Variants in KLHL33 observed in about 807,000 individuals in gnomAD.
KLHL33 encodes the protein kelch like family member 33.
In KLHL33, 46 loss-of-function variants were observed where a neutral mutation model predicts 60.8. The observed-to-expected ratio is 0.76, with a 90% CI of 0.60 to 0.97. The LOEUF (loss-of-function observed/expected upper bound fraction) is 0.97, where lower values mean the gene tolerates loss of function less well. Ranked by LOEUF, KLHL33 falls within the 50% of genes least tolerant of loss-of-function variation. KLHL33 has a pLI of 0.00. For missense variants in KLHL33, 1,055 were observed against 1,000.0 expected, an observed-to-expected ratio of 1.05 and a Z score of -0.74; for synonymous variants, 434 against 432.2, an observed-to-expected ratio of 1.00 and a Z score of -0.05.
rs1287494224 is a variant in KLHL33 at position 20,429,486 on chromosome 14, C to G, written c.1841+16G>C. The stretch of plus-strand genomic sequence containing the variant: ...AAGTCTCCTAATCTCTCCCAGATGC[C>G]CCCTTGCCTGCTTACCTCCAGACAT... On this transcript the variant is annotated intron_variant, in intron 4 of 4. Coordinates refer to ENST00000636854, the MANE Select transcript of KLHL33 (RefSeq NM_001365790.2). 6.4e-7 allele frequency: 1 copy of G among 1,552,028 alleles called. No homozygotes were observed. The highest frequency in any genetic ancestry group is 8.7e-7 in the Non-Finnish European group (1 of 1,146,994).
chr14:20,428,647 C>G lies in KLHL33; in HGVS notation c.*202G>C, dbSNP rs368764425. On this transcript the variant is annotated 3_prime_UTR_variant, in exon 5 of 5. Transcript: ENST00000636854. ...CCTCACCTGGGTATTCAGCTGCCTC[C>G]CCTTTCCCTATATGTTTTCCCTAGG... 13 of 571,384 alleles carry G rather than the reference C, an allele frequency of 2.3e-5. No individual in the cohort carries two copies. The highest frequency in any genetic ancestry group is 2.2e-4 in the African/African-American group (12 of 53,454). The allele number at this position is 571,384 out of a possible 1,614,324, so 35.4% of individuals were successfully genotyped here.
In KLHL33 at chr14:20,430,021, GC is replaced by G; in HGVS notation, c.1446del (p.Leu483SerfsTer7). ...DRALVVIGGD[G>X]LRPDMALRQP... ...TGTCTTAGGGCCATGTCTGGTCTGA[GC>G]CCATCCCCGCCAATCACTACCAGTG... On this transcript the variant is annotated frameshift_variant, in exon 3 of 5. Coordinates refer to ENST00000636854, the MANE Select transcript of KLHL33 (RefSeq NM_001365790.2). LOFTEE classifies it high-confidence loss of function. The G allele has an allele frequency of 6.4e-7, 1 of 1,551,714 alleles. No individual in the cohort carries two copies. The highest frequency in any genetic ancestry group is 2.4e-5 in the East Asian group (1 of 40,926).
At position 20,425,920 on chromosome 14, in the gene KLHL33, T is replaced by G. The variant is rs774984036; in HGVS notation, c.*2929A>C. 3.5e-4 allele frequency: 53 copies of G among 152,188 alleles called. No homozygotes were observed. Among genetic ancestry groups the G allele is most frequent in the Admixed American group, 1.2e-3 (18 of 15,268 alleles). 9.4% of individuals were successfully genotyped at this position (152,188 alleles called of 1,614,324 possible). A position where few individuals can be genotyped will look rare whatever the true frequency, so the allele number is the denominator to read the frequency against. The stretch of plus-strand genomic sequence containing the variant: ...AAATCACAAAAAATGTTCATAGAAG[T>G]TCATCCAGAGAGCTTGTCATCTCCT... On this transcript the variant is annotated 3_prime_UTR_variant, in exon 5 of 5. Coordinates refer to ENST00000636854, the MANE Select transcript of KLHL33 (RefSeq NM_001365790.2).
In KLHL33 at chr14:20,429,826, T is replaced by G. The variant is rs572591291; in HGVS notation, c.1642A>C (p.Ser548Arg). The G allele has an allele frequency of 6.5e-7, 1 of 1,546,676 alleles. No individual in the cohort carries two copies. Among genetic ancestry groups the G allele is most frequent in the African/African-American group, 1.4e-5 (1 of 73,056 alleles). The part of the protein sequence containing the change: ...LYVCGGQDFY[S>R]HSNTLASTLR... ...GTTGAAGCCAGGGTGTTGGAGTGAC[T>G]GTAGAAATCTTGTCCCCCACACACA... The change falls in exon 3 of 5, where the codon AGT (serine) becomes CGT (arginine). Residue 548 changes from serine (S) to arginine (R), a missense_variant. Ser to Arg is a moderately radical substitution (Grantham distance 110). Coordinates refer to ENST00000636854, the MANE Select transcript of KLHL33 (RefSeq NM_001365790.2).
rs1045252007 is a variant in KLHL33 at position 20,429,030 on chromosome 14, C to G, written c.2213G>C (p.Ser738Thr). Reference protein sequence around the residue: ...QGELLVLGGYSHRTYALSHLI... With the variant: ...QGELLVLGGYTHRTYALSHLI... The stretch of plus-strand genomic sequence containing the variant: ...GTGAGAGAGGGCATAAGTACGGTGA[C>G]TGTAGCCCCCGAGCACCAGTAGCTC... The change falls in exon 5 of 5, where the codon AGT (serine) becomes ACT (threonine). Residue 738 changes from serine to threonine, a missense_variant. Coordinates refer to ENST00000636854, the MANE Select transcript of KLHL33 (RefSeq NM_001365790.2). 6.4e-7 allele frequency: 1 copy of G among 1,551,746 alleles called. No homozygotes were observed. The highest frequency in any genetic ancestry group is 8.7e-7 in the Non-Finnish European group (1 of 1,146,994).
rs1880418869 is a variant in KLHL33, at chr14:20,429,541, T to C, written c.1802A>G (p.Asp601Gly). ...CTCAGGGTTGTAGGTCTCCACAGAG[T>C]CCAGGGCAACATCATTGTGTCTTCC... Reference protein sequence around the residue: ...LGGRHNDVALDSVETYNPELN... With the variant: ...LGGRHNDVALGSVETYNPELN... The change falls in exon 4 of 5, where the codon GAC becomes GGC. Residue 601 changes from aspartate to glycine, a missense_variant. Transcript: ENST00000636854. The C allele has an allele frequency of 6.4e-7, 1 of 1,551,914 alleles. No individual in the cohort carries two copies. The highest frequency in any genetic ancestry group is 1.4e-5 in the African/African-American group (1 of 72,944).
In KLHL33 at chr14:20,429,191, C is replaced by A. The variant is rs1260716839; in HGVS notation, c.2052G>T (p.Leu684Phe). Residue 684 changes from leucine (L) to phenylalanine (F), a missense_variant, in exon 5 of 5, where the codon TTG becomes TTT. Physicochemically the swap from Leu to Phe is conservative, Grantham distance 22. Coordinates refer to ENST00000636854, the MANE Select transcript of KLHL33 (RefSeq NM_001365790.2). ...GHVMAALGGR[L>F]YVAGGLGETE... ...TCTCACCCAGCCCACCTGCCACATA[C>A]AACCTCCCACCCAATGCAGCCATGA... 6.4e-7 allele frequency: 1 copy of A among 1,551,710 alleles called. No individual in the cohort carries two copies. Among genetic ancestry groups the A allele is most frequent in the South Asian group, 1.2e-5 (1 of 84,062 alleles).
chr14:20,431,269 C>A (rs951869627), intron 2 of KLHL33, among the ~76,000 whole-genome samples: 2 of 152,234 alleles, frequency 1.3e-5, no homozygotes, highest in Admixed American at 6.5e-5. Flanking sequence ...AATCCAACCT[C>A]ATCGGATTGC....
intron 2 of KLHL33, 29 bp downstream of exon 2, chr14:20,435,035 C>A (rs1339904212): frequency 2.4e-6 from 3 of 1,233,622 alleles, no homozygotes; most frequent in Non-Finnish European, 2.0e-6. Flanking sequence ...TATGCACCTG[C>A]AGTAATTTAA....
At position 20,430,497 on chromosome 14, in the gene KLHL33, T is replaced by A; in HGVS notation, c.971A>T (p.Asp324Val). Residue 324 changes from aspartate (D) to valine (V), a missense_variant, in exon 3 of 5, where the codon GAT (aspartate) becomes GTT (valine). Physicochemically the swap from Asp to Val is radical, Grantham distance 152. Transcript: ENST00000636854. ...CCGTGCCAAGCCTTTCTGACACAAATCCAAGCAGGAAGAGCTCTGGTACTG... is the reference window on the plus strand; with the variant it reads ...CCGTGCCAAGCCTTTCTGACACAAAACCAAGCAGGAAGAGCTCTGGTACTG... ...ALQYQSSSCLDLCQKGLARGL... is the reference protein window; with the variant it reads ...ALQYQSSSCLVLCQKGLARGL... 1 of 1,549,788 alleles carries A rather than the reference T, an allele frequency of 6.5e-7. No individual in the cohort carries two copies. The highest frequency in any genetic ancestry group is 8.7e-7 in the Non-Finnish European group (1 of 1,146,988).
In KLHL33 at chr14:20,427,240, A is replaced by G. The variant is rs1417035455; in HGVS notation, c.*1609T>C. On this transcript the variant is annotated 3_prime_UTR_variant, in exon 5 of 5. Transcript: ENST00000636854. ...AAAGAAAAAGAAAATTGACCTAAAC[A>G]CACACAAAAAAACTGACCCTTTTTT... 2.6e-5 allele frequency: 4 copies of G among 151,854 alleles called. No individual in the cohort carries two copies. Among genetic ancestry groups the G allele is most frequent in the African/African-American group, 9.7e-5 (4 of 41,378 alleles). 9.4% of individuals were successfully genotyped at this position (151,854 alleles called of 1,614,324 possible).
intron 2 of KLHL33, among the ~76,000 whole-genome samples, chr14:20,432,987 A>AAAGAAAGG: frequency 2.0e-5 from 3 of 151,866 alleles, no homozygotes; most frequent in Non-Finnish European, 4.4e-5. Flanking sequence ...AGAAAGAAAG[A>AAAGAAAGG]GAGAAATTAC....
chr14:20,435,509 G>C lies in KLHL33; in HGVS notation c.303C>G (p.Ala101=), dbSNP rs952791504. ...RSEEHPSQFF[A]EAQRLREQRL... ...TCTGCTCCCGCAGCCGCTGGGCCTC[G>C]GCGAAAAACTGGCTCGGATGCTCCT... is the stretch of plus-strand genomic sequence containing the variant. The change falls in exon 2 of 5, where the codon GCC becomes GCG. Residue 101 remains alanine, a synonymous_variant. Coordinates refer to ENST00000636854, the MANE Select transcript of KLHL33 (RefSeq NM_001365790.2). 3 of 1,234,622 alleles carry C rather than the reference G, an allele frequency of 2.4e-6. No homozygotes were observed. The highest frequency in any genetic ancestry group is 3.0e-6 in the Non-Finnish European group (3 of 988,460). The allele number at this position is 1,234,622 out of a possible 1,614,324, so 76.5% of individuals were successfully genotyped here.
chr14:20,435,392 G>A lies in KLHL33; in HGVS notation c.420C>T (p.Asp140=). The A allele has an allele frequency of 8.1e-7, 1 of 1,234,316 alleles. No homozygotes were observed. The highest frequency in any genetic ancestry group is 1.5e-5 in the African/African-American group (1 of 64,608). 76.5% of individuals were successfully genotyped at this position (1,234,316 alleles called of 1,614,324 possible). A position where few individuals can be genotyped will look rare whatever the true frequency, so the allele number is the denominator to read the frequency against. ...GCGGACCTCCGCCGCCCAGCAGCCT[G>A]TCTCGGAAGAGGCTGCTGATTGCGG... ...ILAAISSLFR[D]RLLGGGGPRP... The change falls in exon 2 of 5, where the codon GAC becomes GAT. Residue 140 remains aspartate (D), a synonymous_variant. Coordinates refer to ENST00000636854, the MANE Select transcript of KLHL33 (RefSeq NM_001365790.2).
rs1438837357 is a variant in KLHL33 at position 20,430,296 on chromosome 14, T to C, written c.1172A>G (p.Glu391Gly). 1.0e-5 allele frequency: 16 copies of C among 1,551,500 alleles called. No individual in the cohort carries two copies. Among genetic ancestry groups the C allele is most frequent in the Non-Finnish European group, 1.4e-5 (16 of 1,146,992 alleles). ...ACLAELLDSD[E>G]LHVQEEFEAF... is the part of the protein sequence containing the mutation. ...CTCAAACTCCTCCTGCACATGGAGC[T>C]CATCACTATCCAGGAGCTCAGCCAA... is the stretch of plus-strand genomic sequence containing the variant. The change falls in exon 3 of 5, where the codon GAG (glutamate) becomes GGG (glycine). Residue 391 changes from glutamate (E) to glycine (G), a missense_variant. By Grantham distance (98) the Glu-to-Gly change is moderately conservative. Coordinates refer to ENST00000636854, the MANE Select transcript of KLHL33 (RefSeq NM_001365790.2).
At position 20,429,289 on chromosome 14, in the gene KLHL33, T is replaced by C. The variant is rs778963129; in HGVS notation, c.1954A>G (p.Met652Val). The change falls in exon 5 of 5, where the codon ATG (methionine) becomes GTG (valine). Residue 652 changes from methionine to valine, a missense_variant. By Grantham distance (21) the Met-to-Val change is conservative. Transcript: ENST00000636854. ...TTCTCAAGTTTGGGGTCATAGTGCATCAGTGAGGCCAGGTATTGGCCAGTC... is the reference window on the plus strand; with the variant it reads ...TTCTCAAGTTTGGGGTCATAGTGCACCAGTGAGGCCAGGTATTGGCCAGTC... ...GGTGQYLASL[M>V]HYDPKLEKPG... 1.3e-6 allele frequency: 2 copies of C among 1,551,664 alleles called. No homozygotes were observed. Among genetic ancestry groups the C allele is most frequent in the South Asian group, 2.4e-5 (2 of 84,066 alleles).
rs1350088268 is a variant in KLHL33 at position 20,428,899 on chromosome 14, G to A, written c.2344C>T (p.Gln782Ter). 1.3e-6 allele frequency: 2 copies of A among 1,551,758 alleles called. No homozygotes were observed. The highest frequency in any genetic ancestry group is 1.7e-6 in the Non-Finnish European group (2 of 1,147,016). ...GGGGTGGGAACCAAAGCTATGTGCT[G>A]CACAGCGGGCAGTGTCAGGATGCAG... ...PACILTLPAV[Q>*]HIALVPTPHQ... Residue 782 changes from glutamine to a stop codon, truncating the protein, a stop_gained, in exon 5 of 5, where the codon CAG (glutamine) becomes TAG (stop). Transcript: ENST00000636854. LOFTEE classifies it high-confidence loss of function.
At chr14:20,436,051 G>C in intron 1 of KLHL33, 48 bp downstream of exon 1, 1 of 358,346 alleles carries the variant, frequency 2.8e-6, no homozygotes, top group Non-Finnish European at 5.0e-6. Flanking sequence ...TAAAGATCCG[G>C]TAACCGGGAC....
At position 20,428,039 on chromosome 14, in the gene KLHL33, A is replaced by C. The variant is rs61994164; in HGVS notation, c.*810T>G. 0.098 allele frequency: 14,888 copies of C among 152,354 alleles called. 876 individuals carry two copies. Among genetic ancestry groups the C allele is most frequent in the East Asian group, 0.27 (1,408 of 5,182 alleles). The allele number at this position is 152,354 out of a possible 1,614,324, so 9.4% of individuals were successfully genotyped here. A position where few individuals can be genotyped will look rare whatever the true frequency, so the allele number is the denominator to read the frequency against. ...TCACTCCTGATTCCTCAGTTTGCCC[A>C]AAAGAAAGAAGGCACACAGGCTTCT... On this transcript the variant is annotated 3_prime_UTR_variant, in exon 5 of 5. Coordinates refer to ENST00000636854, the MANE Select transcript of KLHL33 (RefSeq NM_001365790.2).
Sources: gnomAD v4.1 joint callset for allele counts (sites outside exome capture counted in the v4.1 genomes callset) on GRCh38, gnomAD v4.1.1 for gene constraint, MANE v1.5 for transcripts, NCBI Gene and HGNC (gene_info 2026-07-23, HGNC 2026-07-21) for gene names.